The following CCSER1 variants were observed in gnomAD, a reference collection of about 807,000 sequenced individuals.
CCSER1 encodes coiled-coil serine rich protein 1, also known as serine-rich coiled-coil domain-containing protein 1.
Under a neutral mutation model 82.0 loss-of-function variants are expected in CCSER1, and 41 were observed. That is an observed-to-expected ratio of 0.50 (90% CI 0.39 to 0.65). CCSER1 has a LOEUF of 0.65. Ranked by LOEUF, CCSER1 falls within the 30% of genes least tolerant of loss-of-function variation. The probability of loss-of-function intolerance (pLI) is 0.00; values close to 1 mark genes in which losing one functional copy is unlikely to be tolerated. For synonymous variants in CCSER1, 414 were observed against 383.9 expected (o/e 1.08, Z -0.92); for missense variants, 1,119 against 1,064.2 (o/e 1.05, Z -0.72).
chr4:90,348,673 G>A (rs936426553), intron 3 of CCSER1, among the ~76,000 whole-genome samples: 2 of 151,972 alleles, frequency 1.3e-5, no homozygotes, highest in Non-Finnish European at 2.9e-5. Context: ...TAAATGAAAG[G>A]AGTTTATAAT....
chr4:91,153,812 C>A (rs1424936725), intron 10 of CCSER1, among the ~76,000 whole-genome samples: 1 of 151,978 alleles, frequency 6.6e-6, no homozygotes, highest in Non-Finnish European at 1.5e-5. Flanking sequence ...CCAGCGGAGG[C>A]TGCAGAACTG....
chr4:91,257,263 C>A (rs902230905), intron 10 of CCSER1, among the ~76,000 whole-genome samples: 1 of 151,990 alleles, frequency 6.6e-6, no homozygotes, highest in Non-Finnish European at 1.5e-5. Context: ...TATATCACGT[C>A]CCAAAGTAGT....
intron 9 of CCSER1, among the ~76,000 whole-genome samples, chr4:90,933,998 A>T (rs10012182): frequency 0.42 from 63,626 of 151,568 alleles, 13,820 homozygotes; most frequent in African/African-American, 0.53. Context: ...AATATAATTA[A>T]AGTCTTATCC....
chr4:91,141,223 G>A (rs778946043), intron 10 of CCSER1, among the ~76,000 whole-genome samples: 5 of 150,668 alleles, frequency 3.3e-5, no homozygotes, highest in Non-Finnish European at 5.9e-5. Context: ...GCACAATCTC[G>A]GCTCACTGCA....
chr4:90,965,394 C>T (rs1488542165), intron 9 of CCSER1, among the ~76,000 whole-genome samples: 1 of 152,070 alleles, frequency 6.6e-6, no homozygotes, highest in Non-Finnish European at 1.5e-5. Context: ...GCCCTGTTTT[C>T]TCACCTCTGG....
At chr4:91,596,928 T>C (rs1260045221) in intron 10 of CCSER1, among the ~76,000 whole-genome samples, 1 of 151,882 alleles carries the variant, frequency 6.6e-6, no homozygotes, top group African/African-American at 2.4e-5. Context: ...AAGGCCTGAG[T>C]AGCAAAATCC....
chr4:91,447,667 A>G (rs1755643735), intron 10 of CCSER1, among the ~76,000 whole-genome samples: 1 of 152,138 alleles, frequency 6.6e-6, no homozygotes, highest in African/African-American at 2.4e-5. Flanking sequence ...ACTATGATTG[A>G]TGGTCTAATA....
intron 10 of CCSER1, among the ~76,000 whole-genome samples, chr4:91,250,053 G>A (rs1289954493): frequency 2.0e-5 from 3 of 151,532 alleles, no homozygotes; most frequent in Admixed American, 2.0e-4. Context: ...ATTTTCTTTA[G>A]GACTATGATT....
chr4:90,496,989 A>T (rs999104004), intron 5 of CCSER1, among the ~76,000 whole-genome samples: 1 of 151,454 alleles, frequency 6.6e-6, no homozygotes, highest in Admixed American at 6.6e-5. Flanking sequence ...AAAAAAAAAA[A>T]AAAAGAAAGA....
chr4:90,815,022 A>C (rs1448062502), intron 7 of CCSER1, among the ~76,000 whole-genome samples: 1 of 152,150 alleles, frequency 6.6e-6, no homozygotes, highest in African/African-American at 2.4e-5. Flanking sequence ...TCACATTGCA[A>C]TAAAGAATGA....
intron 9 of CCSER1, among the ~76,000 whole-genome samples, chr4:90,953,720 T>A (rs750163057): frequency 1.4e-4 from 22 of 152,012 alleles, no homozygotes; most frequent in Non-Finnish European, 2.1e-4. Context: ...AATGTGCAGA[T>A]GTGTATAGAG....
At chr4:90,626,981 A>G (rs1184282897) in intron 5 of CCSER1, among the ~76,000 whole-genome samples, 1 of 152,190 alleles carries the variant, frequency 6.6e-6, no homozygotes, top group African/African-American at 2.4e-5. Context: ...ACTTTATTTC[A>G]TCTACCTCTT....
chr4:91,546,347 T>TCTA (rs1368358979), intron 10 of CCSER1, among the ~76,000 whole-genome samples: 1 of 152,256 alleles, frequency 6.6e-6, no homozygotes, highest in Admixed American at 6.5e-5. Flanking sequence ...TGGTATAATT[T>TCTA]CTACCTTAGA....
At chr4:91,197,465 A>G (rs548134930) in intron 10 of CCSER1, among the ~76,000 whole-genome samples, 1 of 152,182 alleles carries the variant, frequency 6.6e-6, no homozygotes, top group African/African-American at 2.4e-5. Context: ...ACTGTTGGGC[A>G]CTTAAATGTA....
At chr4:91,476,197 T>A (rs1330064976) in intron 10 of CCSER1, among the ~76,000 whole-genome samples, 1 of 151,808 alleles carries the variant, frequency 6.6e-6, no homozygotes, top group African/African-American at 2.4e-5. Flanking sequence ...CTATTTTTAA[T>A]TTTTTGAGAA....
intron 4 of CCSER1, among the ~76,000 whole-genome samples, chr4:90,462,365 A>G (rs549702314): frequency 2.6e-5 from 4 of 152,300 alleles, no homozygotes; most frequent in Admixed American, 2.0e-4. Flanking sequence ...TTTGACAAGG[A>G]TGGGATTTCT....
intron 8 of CCSER1, chr4:90,838,939 T>G: frequency 6.2e-7 from 1 of 1,613,496 alleles, no homozygotes; most frequent in Non-Finnish European, 8.5e-7. Flanking sequence ...GTTCAATCGT[T>G]TCTTTGGAAG....
intron 10 of CCSER1, among the ~76,000 whole-genome samples, chr4:91,405,675 C>T (rs139005770): frequency 5.9e-5 from 9 of 152,290 alleles, no homozygotes; most frequent in African/African-American, 1.2e-4. Context: ...ACCCTCCAAT[C>T]TAAGCACAGG....
intron 5 of CCSER1, among the ~76,000 whole-genome samples, chr4:90,580,663 A>G (rs1781327831): frequency 6.6e-6 from 1 of 152,192 alleles, no homozygotes; most frequent in African/African-American, 2.4e-5. Flanking sequence ...TTTCCTGGGA[A>G]TATGCAGGGT....
Sources: allele counts gnomAD v4.1 joint callset (sites outside exome capture counted in the v4.1 genomes callset), GRCh38; gene constraint gnomAD v4.1.1; transcripts MANE v1.5; gene names NCBI Gene and HGNC (gene_info 2026-07-23, HGNC 2026-07-21).